Variants in HMGCLL1 observed in about 807,000 individuals in gnomAD.
HMGCLL1 encodes the protein 3-hydroxy-3-methylglutaryl-CoA lyase like 1.
In HMGCLL1, 36 loss-of-function variants were observed where a neutral mutation model predicts 39.1. The ratio of observed to expected loss-of-function variants is 0.92; its 90% confidence interval spans 0.71 to 1.22. The LOEUF (loss-of-function observed/expected upper bound fraction) is 1.22, where lower values mean the gene tolerates loss of function less well. HMGCLL1 is among the 50% of genes most tolerant of loss of function. The probability of loss-of-function intolerance (pLI) is 0.00; values close to 1 mark genes in which losing one functional copy is unlikely to be tolerated. For synonymous variants in HMGCLL1, 149 were observed against 144.0 expected, an observed-to-expected ratio of 1.03 and a Z score of -0.25; for missense variants, 451 against 416.5, an observed-to-expected ratio of 1.08 and a Z score of -0.72.
At chr6:55,571,734 A>G (rs928912123) in intron 1 of HMGCLL1, among the ~76,000 whole-genome samples, 5 of 152,082 alleles carry the variant, frequency 3.3e-5, no homozygotes, top group African/African-American at 7.2e-5. Context: ...GCATGAACCC[A>G]GGAGACAGAG....
intron 1 of HMGCLL1, among the ~76,000 whole-genome samples, chr6:55,577,705 A>T (rs1353903761): frequency 6.6e-6 from 1 of 152,244 alleles, no homozygotes; most frequent in Non-Finnish European, 1.5e-5. Context: ...CTTAGGAAAT[A>T]TAAGTTAATG....
At chr6:55,662,867 G>T in the HMGCLL1 span, among the ~76,000 whole-genome samples, 2 of 151,572 alleles carry the variant, frequency 1.3e-5, no homozygotes, top group Admixed American at 1.3e-4. Flanking sequence ...AAATTTCAGA[G>T]CTAATTATTG....
the HMGCLL1 span, among the ~76,000 whole-genome samples, chr6:55,660,800 G>A: frequency 1.2e-4 from 18 of 151,764 alleles, no homozygotes; most frequent in South Asian, 2.1e-4. Flanking sequence ...TTGCCACATC[G>A]CTTTCCACAA....
chr6:55,627,295 G>C, the HMGCLL1 span, among the ~76,000 whole-genome samples: 1 of 151,888 alleles, frequency 6.6e-6, no homozygotes, highest in Non-Finnish European at 1.5e-5. Flanking sequence ...TTTATTATGT[G>C]ACATAAGATT....
At chr6:55,631,114 T>C in the HMGCLL1 span, among the ~76,000 whole-genome samples, 1 of 152,114 alleles carries the variant, frequency 6.6e-6, no homozygotes, top group Non-Finnish European at 1.5e-5. Flanking sequence ...TAAGTTCTTG[T>C]ACTTGAATAT....
the HMGCLL1 span, among the ~76,000 whole-genome samples, chr6:55,590,007 C>G: frequency 2.7e-5 from 4 of 150,174 alleles, no homozygotes; most frequent in African/African-American, 9.7e-5. Context: ...AATGCCATCC[C>G]CATCAAGCTA....
At chr6:55,643,394 A>G in the HMGCLL1 span, among the ~76,000 whole-genome samples, 1 of 151,892 alleles carries the variant, frequency 6.6e-6, no homozygotes, top group African/African-American at 2.4e-5. Context: ...GTTGTTTTCT[A>G]GTTCTGTGAG....
intron 7 of HMGCLL1, among the ~76,000 whole-genome samples, chr6:55,449,214 A>G (rs1467853462): frequency 1.3e-5 from 2 of 152,216 alleles, no homozygotes; most frequent in Non-Finnish European, 2.9e-5. Flanking sequence ...ACCCTCAGCT[A>G]GCTGATATTA....
the HMGCLL1 span, among the ~76,000 whole-genome samples, chr6:55,599,810 A>G: frequency 1.3e-5 from 2 of 152,200 alleles, no homozygotes; most frequent in African/African-American, 4.8e-5. Context: ...ACACTTAGTG[A>G]AAACAAATGT....
chr6:55,634,678 G>A, the HMGCLL1 span, among the ~76,000 whole-genome samples: 2 of 152,042 alleles, frequency 1.3e-5, no homozygotes, highest in African/African-American at 4.8e-5. Context: ...TTACTTGATT[G>A]AAACAATAAG....
the HMGCLL1 span, among the ~76,000 whole-genome samples, chr6:55,648,747 C>A: frequency 1.3e-5 from 1 of 78,748 alleles, no homozygotes; most frequent in East Asian, 3.2e-4. Context: ...CAAAAAGAGT[C>A]CAGGACCAGA....
At chr6:55,659,782 A>G in the HMGCLL1 span, among the ~76,000 whole-genome samples, 2 of 152,036 alleles carry the variant, frequency 1.3e-5, no homozygotes, top group East Asian at 3.9e-4. Context: ...CCTGAATACA[A>G]CTGAGAGGTA....
At chr6:55,674,041 G>C in the HMGCLL1 span, among the ~76,000 whole-genome samples, 2 of 151,886 alleles carry the variant, frequency 1.3e-5, no homozygotes, top group African/African-American at 4.8e-5. Flanking sequence ...ATGGATAATT[G>C]GTAGGCTGAG....
At chr6:55,442,535 G>A (rs994420604) in intron 7 of HMGCLL1, among the ~76,000 whole-genome samples, 1 of 152,090 alleles carries the variant, frequency 6.6e-6, no homozygotes, top group Non-Finnish European at 1.5e-5. Context: ...TTGCAAGACT[G>A]AAAAGGATAC....
At chr6:55,557,207 A>G (rs1340903558) in intron 1 of HMGCLL1, among the ~76,000 whole-genome samples, 2 of 152,182 alleles carry the variant, frequency 1.3e-5, no homozygotes, top group East Asian at 1.9e-4. Flanking sequence ...ATTTATTCGT[A>G]TATTTTTCCA....
chr6:55,610,918 T>C, the HMGCLL1 span, among the ~76,000 whole-genome samples: 1 of 152,130 alleles, frequency 6.6e-6, no homozygotes, highest in African/African-American at 2.4e-5. Flanking sequence ...AACCCAGAAT[T>C]TCATATCCCA....
intron 5 of HMGCLL1, 134 bp downstream of exon 5, chr6:55,513,914 C>T (rs1343549369): frequency 1.3e-6 from 1 of 748,436 alleles, no homozygotes; most frequent in Non-Finnish European, 2.1e-6. Context: ...ATAGTGATTA[C>T]CCTGATTAAA....
At chr6:55,650,815 T>G in the HMGCLL1 span, among the ~76,000 whole-genome samples, 2 of 152,070 alleles carry the variant, frequency 1.3e-5, no homozygotes, top group Non-Finnish European at 2.9e-5. Flanking sequence ...CCCTATGGCT[T>G]CCACCACAAT....
At chr6:55,553,699 G>C (rs553321911) in intron 1 of HMGCLL1, among the ~76,000 whole-genome samples, 1 of 152,182 alleles carries the variant, frequency 6.6e-6, no homozygotes, top group Admixed American at 6.5e-5. Context: ...TTCCCTTTTT[G>C]TAAGGCTAAC....
Sources: allele counts gnomAD v4.1 joint callset (sites outside exome capture counted in the v4.1 genomes callset), GRCh38; gene constraint gnomAD v4.1.1; transcripts MANE v1.5; gene names NCBI Gene and HGNC (gene_info 2026-07-23, HGNC 2026-07-21).